NEK10: variants seen among roughly 807,000 people sequenced by gnomAD.
The protein encoded by NEK10 is NIMA related kinase 10.
A neutral mutation model predicts 159.8 loss-of-function variants in NEK10; 122 were observed. That is an observed-to-expected ratio of 0.76 (90% confidence interval 0.66 to 0.89). NEK10 has a LOEUF of 0.89. Ranked by LOEUF, NEK10 falls within the 40% of genes least tolerant of loss-of-function variation. The probability of loss-of-function intolerance (pLI) is 0.00; values close to 1 mark genes in which losing one functional copy is unlikely to be tolerated. For missense variants in NEK10, 1,342 were observed against 1,323.1 expected, an observed-to-expected ratio of 1.01 and a Z score of -0.22; for synonymous variants, 466 against 457.1, an observed-to-expected ratio of 1.02 and a Z score of -0.25.
At chr3:27,194,938 C>A (rs1171517703) in intron 25 of NEK10, among the ~76,000 whole-genome samples, 2 of 152,198 alleles carry the variant, frequency 1.3e-5, no homozygotes, top group African/African-American at 4.8e-5. Context: ...CCAAACTCCT[C>A]AGGGTTGCTA....
chr3:27,362,108 A>C (rs1037627700), intron 1 of NEK10, among the ~76,000 whole-genome samples: 1 of 152,208 alleles, frequency 6.6e-6, no homozygotes, highest in Admixed American at 6.5e-5. Context: ...AAATCAGAGG[A>C]AAGATTATAG....
At chr3:27,243,133 C>T (rs1172431320) in intron 23 of NEK10, among the ~76,000 whole-genome samples, 1 of 152,000 alleles carries the variant, frequency 6.6e-6, no homozygotes, top group African/African-American at 2.4e-5. Context: ...TTAGAGAAAA[C>T]AATTTCTGGC....
chr3:27,264,440 T>C (rs893545957), intron 22 of NEK10, among the ~76,000 whole-genome samples: 3 of 152,102 alleles, frequency 2.0e-5, no homozygotes, highest in East Asian at 1.9e-4. Context: ...GCATAATACA[T>C]AATGATCAAG....
intron 5 of NEK10, among the ~76,000 whole-genome samples, chr3:27,334,749 T>A (rs2046675787): frequency 6.6e-6 from 1 of 152,134 alleles, no homozygotes; most frequent in Admixed American, 6.5e-5. Context: ...AATCTTCCCA[T>A]ATGAAAGCCA....
At chr3:27,352,988 G>A in intron 1 of NEK10, 69 bp from the exon 2 acceptor site, 1 of 684,404 alleles carries the variant, frequency 1.5e-6, no homozygotes. Context: ...AGTTAATACA[G>A]ACAAAACCCA....
chr3:27,357,911 A>G (rs1289250689), intron 1 of NEK10, among the ~76,000 whole-genome samples: 2 of 152,190 alleles, frequency 1.3e-5, no homozygotes, highest in African/African-American at 4.8e-5. Flanking sequence ...AAGCAGTTAA[A>G]GCTCAAGGTG....
intron 1 of NEK10, among the ~76,000 whole-genome samples, chr3:27,356,993 A>G (rs1418769731): frequency 6.6e-6 from 1 of 152,192 alleles, no homozygotes; most frequent in Non-Finnish European, 1.5e-5. Flanking sequence ...GTAAGGAGTG[A>G]CTTATTTTGT....
intron 9 of NEK10, chr3:27,309,635 C>A (rs957247942): frequency 5.9e-5 from 9 of 152,182 alleles, no homozygotes; most frequent in Non-Finnish European, 1.0e-4. Flanking sequence ...CTTCTGATCC[C>A]ACGCTGGGAA....
At chr3:27,261,962 C>A (rs1217271024) in intron 22 of NEK10, among the ~76,000 whole-genome samples, 4 of 152,158 alleles carry the variant, frequency 2.6e-5, no homozygotes, top group African/African-American at 9.7e-5. Context: ...GAATTGATCC[C>A]TTTACCATTA....
chr3:27,291,675 C>T (rs1429068014), intron 16 of NEK10, 89 bp from the exon 17 acceptor site: 2 of 757,208 alleles, frequency 2.6e-6, no homozygotes, highest in Middle Eastern at 3.6e-4. Flanking sequence ...CAGAGTCTCA[C>T]TGTGTCACCC....
At chr3:27,161,757 G>A (rs1044944398) in intron 30 of NEK10, among the ~76,000 whole-genome samples, 1 of 152,236 alleles carries the variant, frequency 6.6e-6, no homozygotes, top group Middle Eastern at 3.4e-3. Context: ...GAAACAATGT[G>A]ATATGTCATT....
At chr3:27,144,756 C>T (rs1388878063) in intron 30 of NEK10, among the ~76,000 whole-genome samples, 2 of 152,158 alleles carry the variant, frequency 1.3e-5, no homozygotes, top group Admixed American at 1.3e-4. Context: ...GGGTCTCACT[C>T]TGTCACTCAG....
In NEK10 at chr3:27,108,842, T is replaced by G. The variant is rs1254090454; in HGVS notation, c.*2430A>C. Among the ~76,000 whole-genome samples the G allele has an allele frequency of 6.6e-6, 1 of 152,184 alleles. No homozygotes were observed. Among genetic ancestry groups the G allele is most frequent in the African/African-American group, 2.4e-5 (1 of 41,456 alleles). ...ACTTCTCTGTTGGGATGTGACTCTA[T>G]GTACAAAATGGTGCTTTTGCCAGAG... On this transcript the variant is annotated 3_prime_UTR_variant, in exon 36 of 36. Coordinates refer to ENST00000691995, the MANE Select transcript of NEK10 (RefSeq NM_001394966.1).
In NEK10 at chr3:27,308,927, T is replaced by G; in HGVS notation, c.715A>C (p.Ser239Arg). 1 of 1,554,338 alleles carries G rather than the reference T, an allele frequency of 6.4e-7. No homozygotes were observed. The highest frequency in any genetic ancestry group is 8.9e-7 in the Non-Finnish European group (1 of 1,128,012). Residue 239 changes from serine (S) to arginine (R), a missense_variant and splice_region_variant, in exon 10 of 36, where the codon AGT becomes CGT. By Grantham distance (110) the Ser-to-Arg change is moderately radical (BLOSUM62 -1). Coordinates refer to ENST00000691995, the MANE Select transcript of NEK10 (RefSeq NM_001394966.1). Reference sequence around the variant, plus strand: ...AGTATATTAGAATACACTACTTACCTTTCTGCTAAACTAGCCAGAGCCAGA... The same window carrying G: ...AGTATATTAGAATACACTACTTACCGTTCTGCTAAACTAGCCAGAGCCAGA... ...SLLALASLAESQECREKISEL... is the reference protein window; with the variant it reads ...SLLALASLAERQECREKISEL...
At chr3:27,127,289 T>G (rs1329615948) in intron 32 of NEK10, among the ~76,000 whole-genome samples, 1 of 152,102 alleles carries the variant, frequency 6.6e-6, no homozygotes, top group Non-Finnish European at 1.5e-5. Context: ...AAAACCACAA[T>G]ATAATTATCC....
rs1447387286 is a variant in NEK10 at position 27,293,604 on chromosome 3, T to A, written c.1357A>T (p.Arg453Ter). ...ACCTCATACCTTTTAAAGAGTGGTC[T>A]GTTTCTTTCCATACTGAAGAGAAAT... The part of the protein sequence containing the change: ...LRFLFSMERN[R>*]PLFKRLFPTD... The change falls in exon 16 of 36, where the codon AGA (arginine) becomes TGA (stop). Residue 453 changes from arginine to a stop codon, truncating the protein, a stop_gained. Coordinates refer to ENST00000691995, the MANE Select transcript of NEK10 (RefSeq NM_001394966.1). LOFTEE classifies it high-confidence loss of function. The A allele has an allele frequency of 1.3e-6, 2 of 1,563,434 alleles. No homozygotes were observed. Among genetic ancestry groups the A allele is most frequent in the Non-Finnish European group, 1.8e-6 (2 of 1,136,960 alleles).
chr3:27,229,453 C>A lies in NEK10; in HGVS notation c.2090+26843G>T, dbSNP rs182005578. 1.6e-3 allele frequency among the ~76,000 whole-genome samples: 251 copies of A among 152,218 alleles called. 2 individuals carry two copies. Among genetic ancestry groups the A allele is most frequent in the African/African-American group, 5.9e-3 (244 of 41,534 alleles). Reference sequence around the variant, plus strand: ...CAGAAAAGTAATTCTGGCAATATGACAAAACAGGGTTCTATAACACCCCCA... The same window carrying A: ...CAGAAAAGTAATTCTGGCAATATGAAAAAACAGGGTTCTATAACACCCCCA... On this transcript the variant is annotated intron_variant, in intron 23 of 35. Coordinates refer to ENST00000691995, the MANE Select transcript of NEK10 (RefSeq NM_001394966.1).
intron 23 of NEK10, among the ~76,000 whole-genome samples, chr3:27,204,308 T>A (rs1325426325): frequency 7.4e-6 from 1 of 135,036 alleles, no homozygotes; most frequent in Non-Finnish European, 1.6e-5. Context: ...GTTGTTTTTT[T>A]TTTTTTTTTT....
At chr3:27,308,098 A>C (rs1164185559) in intron 10 of NEK10, among the ~76,000 whole-genome samples, 153 bp from the exon 11 acceptor site, 1 of 152,234 alleles carries the variant, frequency 6.6e-6, no homozygotes, top group Non-Finnish European at 1.5e-5. Context: ...ATGGCTAGGG[A>C]GGCCTCAGGA....
Sources: gnomAD v4.1 joint callset for allele counts (sites outside exome capture counted in the v4.1 genomes callset) on GRCh38, gnomAD v4.1.1 for gene constraint, MANE v1.5 for transcripts, NCBI Gene and HGNC (gene_info 2026-07-23, HGNC 2026-07-21) for gene names.